The following SYTL3 variants were observed in gnomAD, a reference collection of about 807,000 sequenced individuals.
SYTL3 encodes synaptotagmin like 3.
A neutral mutation model predicts 82.1 loss-of-function variants in SYTL3; 88 were observed. That is an observed-to-expected ratio of 1.07 (90% CI 0.90 to 1.28). The LOEUF is 1.28. Ranked by LOEUF, SYTL3 falls within the 50% of genes most tolerant of loss-of-function variation. The probability of loss-of-function intolerance (pLI) is 0.00; values close to 1 mark genes in which losing one functional copy is unlikely to be tolerated. For synonymous variants in SYTL3, 311 were observed against 289.4 expected (o/e 1.07, Z -0.76); for missense variants, 831 against 757.6 (o/e 1.10, Z -1.14).
intron 5 of SYTL3, among the ~76,000 whole-genome samples, chr6:158,675,552 G>T (rs1461286221): frequency 6.6e-6 from 1 of 152,034 alleles, no homozygotes; most frequent in African/African-American, 2.4e-5. Flanking sequence ...AGTGGCTCAC[G>T]CTTATAATCC....
intron 5 of SYTL3, among the ~76,000 whole-genome samples, chr6:158,681,447 T>G (rs1415306190): frequency 6.6e-6 from 1 of 152,038 alleles, no homozygotes; most frequent in Non-Finnish European, 1.5e-5. Flanking sequence ...AGTGGTCTGC[T>G]CAGGTGGATC....
At chr6:158,656,224 C>T (rs1301154859) in intron 2 of SYTL3, among the ~76,000 whole-genome samples, 1 of 152,178 alleles carries the variant, frequency 6.6e-6, no homozygotes, top group Non-Finnish European at 1.5e-5. Context: ...CTCCCCTCTT[C>T]TCCCAGGCCT....
At chr6:158,711,600 G>A (rs569378915) in intron 8 of SYTL3, among the ~76,000 whole-genome samples, 14 of 152,270 alleles carry the variant, frequency 9.2e-5, no homozygotes, top group African/African-American at 3.1e-4. Flanking sequence ...AATGCAGGGC[G>A]AGTCCACAGA....
rs765386344 is a variant in SYTL3 at position 158,749,507 on chromosome 6, C to CTTTTTT, written c.1035-2401_1035-2396dup. ...AATGAACACCTTCTTTTCTTTCTCT[C>CTTTTTT]TTTTTTTTTTTTTTTTTTTTTTTTT... is the stretch of plus-strand genomic sequence containing the variant. On this transcript the variant is annotated intron_variant, in intron 12 of 17. Coordinates refer to ENST00000611299, the MANE Select transcript of SYTL3 (RefSeq NM_001242394.2). 8.6e-3 allele frequency among the ~76,000 whole-genome samples: 565 copies of CTTTTTT among 66,012 alleles called. 24 individuals carry two copies. The highest frequency in any genetic ancestry group is 0.011 in the Middle Eastern group (1 of 90). 43.3% of individuals were successfully genotyped at this position (66,012 alleles called of 152,430 possible). A position where few individuals can be genotyped will look rare whatever the true frequency, so the allele number is the denominator to read the frequency against.
intron 2 of SYTL3, among the ~76,000 whole-genome samples, chr6:158,652,493 C>T (rs1788139852): frequency 6.6e-6 from 1 of 152,002 alleles, no homozygotes; most frequent in Non-Finnish European, 1.5e-5. Context: ...TCATGATCCA[C>T]CTGCCTCGTC....
chr6:158,742,567 ATTTTTTTTTTTTTGCT>A (rs1787070753), intron 11 of SYTL3, among the ~76,000 whole-genome samples: 1 of 144,490 alleles, frequency 6.9e-6, no homozygotes, highest in Admixed American at 7.0e-5. Flanking sequence ...TGCTGGAAGC[ATTTTTTTTTTTTTGCT>A]TTTTTTTTTT....
At chr6:158,731,929 T>C (rs1424613500) in intron 11 of SYTL3, among the ~76,000 whole-genome samples, 2 of 152,214 alleles carry the variant, frequency 1.3e-5, no homozygotes, top group Non-Finnish European at 2.9e-5. Context: ...AGTTATTACT[T>C]TTAATGCCTG....
At chr6:158,764,471 C>T (rs1790510992) in intron 17 of SYTL3, 24 bp from the exon 18 acceptor site, 2 of 1,579,604 alleles carry the variant, frequency 1.3e-6, no homozygotes, top group African/African-American at 2.7e-5. Flanking sequence ...CCGACCATGG[C>T]TAAATTGTCT....
At chr6:158,675,281 T>C (rs1777897238) in intron 5 of SYTL3, among the ~76,000 whole-genome samples, 1 of 152,110 alleles carries the variant, frequency 6.6e-6, no homozygotes. Flanking sequence ...ACCTGCCTTC[T>C]CTCTGAGGTT....
chr6:158,708,925 C>G (rs1452476649), intron 8 of SYTL3, among the ~76,000 whole-genome samples: 1 of 152,084 alleles, frequency 6.6e-6, no homozygotes, highest in African/African-American at 2.4e-5. Flanking sequence ...CCAATACGCC[C>G]AAAGTAAATT....
chr6:158,713,815 C>T lies in SYTL3; in HGVS notation c.532C>T (p.Gln178Ter). 1 of 1,549,342 alleles carries T rather than the reference C, an allele frequency of 6.5e-7. No individual in the cohort carries two copies. The highest frequency in any genetic ancestry group is 8.7e-7 in the Non-Finnish European group (1 of 1,145,410). The change falls in exon 9 of 18, where the codon CAG becomes TAG. Residue 178 changes from glutamine (Q) to a stop codon, truncating the protein, a stop_gained. Transcript: ENST00000611299. LOFTEE classifies it high-confidence loss of function. ...RSPGRLQEFG[Q>*]FRGFNKSVEN... Reference sequence around the variant, plus strand: ...TCTGTTTTAGTTACAGGAATTTGGTCAGTTTAGAGGATTTAATAAGTCCGT... The same window carrying T: ...TCTGTTTTAGTTACAGGAATTTGGTTAGTTTAGAGGATTTAATAAGTCCGT...
chr6:158,760,773 T>C, intron 15 of SYTL3, 28 bp downstream of exon 15: 3 of 1,560,938 alleles, frequency 1.9e-6, no homozygotes, highest in Non-Finnish European at 2.6e-6. Context: ...CCCTGGACAT[T>C]GTCTGTGTCA....
intron 6 of SYTL3, among the ~76,000 whole-genome samples, chr6:158,692,397 C>T (rs971369992): frequency 1.3e-5 from 2 of 149,408 alleles, no homozygotes; most frequent in African/African-American, 4.9e-5. Context: ...AACATAGCCT[C>T]TGATAATGCT....
chr6:158,749,242 A>T (rs1788050835), intron 12 of SYTL3, among the ~76,000 whole-genome samples: 1 of 151,014 alleles, frequency 6.6e-6, no homozygotes, highest in Non-Finnish European at 1.5e-5. Flanking sequence ...AATAAATAAA[A>T]ATTAGCCAGG....
Position 158,757,104 on chromosome 6 carries a change from C to T in SYTL3, c.1138-107C>T, listed in dbSNP as rs944165554. 63 of 1,124,464 alleles carry T rather than the reference C, an allele frequency of 5.6e-5. No individual in the cohort carries two copies. The African/African-American group carries it at 6.5e-4, about 12-fold the overall frequency. The allele number at this position is 1,124,464 out of a possible 1,614,324, so 69.7% of individuals were successfully genotyped here. On this transcript the variant is annotated intron_variant, in intron 13 of 17. Transcript: ENST00000611299. ...ACTCAGCCTGTGGGAGGGAGGCCTG[C>T]GCCAGGCCCCGGGAAGTGGGGCCCT...
chr6:158,764,497 G>A lies in SYTL3; in HGVS notation c.1726G>A (p.Gly576Arg), dbSNP rs1223657377. The change falls in exon 18 of 18, where the codon GGA becomes AGA. Residue 576 changes from glycine to arginine, a missense_variant and splice_region_variant. By Grantham distance (125) the Gly-to-Arg change is moderately radical. Transcript: ENST00000611299. ...LLGGTRLGSK[G>R]DTAVGGDACS... ...TAAATTGTCTTCCTCTCTTACAGAG[G>A]GAGACACAGCTGTTGGCGGGGATGC... The A allele has an allele frequency of 2.5e-6, 4 of 1,612,420 alleles. No individual in the cohort carries two copies. The South Asian group carries it at 3.3e-5, about 13-fold the overall frequency.
At chr6:158,707,094 A>G in intron 6 of SYTL3, 136 bp from the exon 7 acceptor site, 1 of 870,118 alleles carries the variant, frequency 1.1e-6, no homozygotes, top group African/African-American at 1.7e-5. Flanking sequence ...CATTTCTATC[A>G]CCTCAAAATG....
chr6:158,687,059 G>A lies in SYTL3; in HGVS notation c.394+4070G>A, dbSNP rs537216889. Among the ~76,000 whole-genome samples, 8 of 152,310 alleles carry A rather than the reference G, an allele frequency of 5.3e-5. No individual in the cohort carries two copies. In the South Asian group the frequency reaches 1.5e-3, roughly 28 times the overall value. The stretch of plus-strand genomic sequence containing the variant: ...TGAGCAGAAGTTAGAAAAACTAGAT[G>A]GTGGTTTAAACCACAAAAGTGTACA... On this transcript the variant is annotated intron_variant, in intron 6 of 17. Transcript: ENST00000611299.
At chr6:158,717,944 C>T (rs1376466658) in intron 9 of SYTL3, 143 bp from the exon 10 acceptor site, 7 of 631,110 alleles carry the variant, frequency 1.1e-5, no homozygotes, top group African/African-American at 3.8e-5. Context: ...GGGGAATGTG[C>T]CGCCCTTGCT....
Sources: gnomAD v4.1 joint callset for allele counts (sites outside exome capture counted in the v4.1 genomes callset) on GRCh38, gnomAD v4.1.1 for gene constraint, MANE v1.5 for transcripts, NCBI Gene and HGNC (gene_info 2026-07-23, HGNC 2026-07-21) for gene names.